Variants in BATF observed in about 807,000 individuals in gnomAD.
BATF encodes the protein basic leucine zipper ATF-like transcription factor, also known as basic leucine zipper transcriptional factor ATF-like.
BATF carries 5 observed loss-of-function variants against 13.7 expected under a neutral mutation model. That is an observed-to-expected ratio of 0.36 (90% confidence interval 0.19 to 0.77). The LOEUF (loss-of-function observed/expected upper bound fraction) is 0.77. Ranked by LOEUF, BATF falls within the 30% of genes least tolerant of loss-of-function variation. The pLI is 0.51. For missense variants in BATF, 124 were observed against 163.0 expected (o/e 0.76, Z 1.30); for synonymous variants, 72 against 67.5 (o/e 1.07, Z -0.33).
In BATF at chr14:75,533,104, C is replaced by T. The variant is rs578001667; in HGVS notation, c.168+7916C>T. 3.9e-5 allele frequency among the ~76,000 whole-genome samples: 6 copies of T among 152,184 alleles called. No homozygotes were observed. In the South Asian group the frequency reaches 8.3e-4, roughly 21 times the overall value. On this transcript the variant is annotated intron_variant, in intron 2 of 2. Coordinates refer to ENST00000286639, the MANE Select transcript of BATF (RefSeq NM_006399.5). Reference sequence around the variant, plus strand: ...ACTGCTTGTCTTACCGATGACGGGTCGGCATGGCTAAGTTTGGGAGGCATA... The same window carrying T: ...ACTGCTTGTCTTACCGATGACGGGTTGGCATGGCTAAGTTTGGGAGGCATA...
At chr14:75,524,173 A>T (rs1473669019) in intron 1 of BATF, among the ~76,000 whole-genome samples, 2 of 152,176 alleles carry the variant, frequency 1.3e-5, no homozygotes, top group Non-Finnish European at 2.9e-5. Flanking sequence ...CATCTGGGAG[A>T]GAACTGGAGC....
rs1812111401 is a variant in BATF, at chr14:75,539,046, A to C, written c.169-7416A>C. ...AAGCATCAGTATCAGCCAAGATTGC[A>C]TGCATTCAGAGACAAGTGAGAGACC... On this transcript the variant is annotated intron_variant, in intron 2 of 2. Transcript: ENST00000286639. Among the ~76,000 whole-genome samples the C allele has an allele frequency of 2.0e-5, 3 of 152,256 alleles. 1 individual carries two copies. In the South Asian group the frequency reaches 6.2e-4, roughly 31 times the overall value.
chr14:75,543,310 T>G (rs1389945910), intron 2 of BATF, among the ~76,000 whole-genome samples: 1 of 152,200 alleles, frequency 6.6e-6, no homozygotes, highest in African/African-American at 2.4e-5. Flanking sequence ...GGGCTTCCTT[T>G]GTACTGACCT....
intron 2 of BATF, among the ~76,000 whole-genome samples, chr14:75,542,141 G>A (rs910724251): frequency 1.5e-4 from 23 of 152,240 alleles, no homozygotes; most frequent in Non-Finnish European, 1.5e-5. Context: ...GAGAAAACAA[G>A]TGCCTTGAGG....
chr14:75,530,061 C>A (rs1258022464), intron 2 of BATF, among the ~76,000 whole-genome samples: 490 of 109,686 alleles, frequency 4.5e-3, no homozygotes, highest in East Asian at 7.6e-3. Context: ...GAGACTCCGT[C>A]AAAAAAAAAA....
Position 75,522,761 on chromosome 14 carries a change from T to A in BATF, c.63+16T>A. ...TGGCAAACAGGTAGAGTCCTCCTTT[T>A]TCTCTCTCCTACCTTCTGATTCTCC... On this transcript the variant is annotated intron_variant, in intron 1 of 2. Transcript: ENST00000286639. 6.2e-7 allele frequency: 1 copy of A among 1,613,962 alleles called. No homozygotes were observed. The highest frequency in any genetic ancestry group is 8.5e-7 in the Non-Finnish European group (1 of 1,179,832).
chr14:75,539,630 G>C (rs1225103057), intron 2 of BATF, among the ~76,000 whole-genome samples: 1 of 151,898 alleles, frequency 6.6e-6, no homozygotes. Flanking sequence ...CTGAGGGCAC[G>C]GCTGATGTGG....
intron 2 of BATF, among the ~76,000 whole-genome samples, chr14:75,536,946 C>CT (rs1382840987): frequency 1.3e-5 from 2 of 151,128 alleles, no homozygotes; most frequent in Non-Finnish European, 2.9e-5. Context: ...GCAATATTGT[C>CT]ATTTTTTTTT....
chr14:75,536,154 T>C (rs1184375927), intron 2 of BATF, among the ~76,000 whole-genome samples: 1 of 152,132 alleles, frequency 6.6e-6, no homozygotes, highest in Non-Finnish European at 1.5e-5. Context: ...ACTAATCACA[T>C]GACATGTAAA....
At chr14:75,530,808 C>G (rs1193505484) in intron 2 of BATF, among the ~76,000 whole-genome samples, 1 of 152,034 alleles carries the variant, frequency 6.6e-6, no homozygotes, top group Non-Finnish European at 1.5e-5. Flanking sequence ...GCAACAGCAC[C>G]CAGCCCCTTC....
chr14:75,522,573 A>G lies in BATF; in HGVS notation c.-110A>G. 8.0e-7 allele frequency: 1 copy of G among 1,252,756 alleles called. No homozygotes were observed. 77.6% of individuals were successfully genotyped at this position (1,252,756 alleles called of 1,614,324 possible). A position where few individuals can be genotyped will look rare whatever the true frequency, so the allele number is the denominator to read the frequency against. On this transcript the variant is annotated 5_prime_UTR_variant, in exon 1 of 3. Transcript: ENST00000286639. ...CAGGGCAGGCAGAGGAGGCACCTGTAGGGGGTGGTGGGCTGGTGGCCCAGG... is the reference window on the plus strand; with the variant it reads ...CAGGGCAGGCAGAGGAGGCACCTGTGGGGGGTGGTGGGCTGGTGGCCCAGG...
intron 2 of BATF, among the ~76,000 whole-genome samples, chr14:75,538,900 C>CA (rs1887856762): frequency 6.6e-6 from 1 of 152,090 alleles, no homozygotes; most frequent in Non-Finnish European, 1.5e-5. Context: ...GACACGGTCT[C>CA]AAAAAACAAA....
chr14:75,536,722 T>TTAAAATAAAGTAAAA (rs1887824334), intron 2 of BATF, among the ~76,000 whole-genome samples: 1 of 125,766 alleles, frequency 8.0e-6, no homozygotes, highest in Admixed American at 8.4e-5. Context: ...GATCCTGTCT[T>TTAAAATAAAGTAAAA]TAAAATAAAA....
intron 2 of BATF, among the ~76,000 whole-genome samples, chr14:75,540,354 C>G (rs967917652): frequency 6.6e-6 from 1 of 152,158 alleles, no homozygotes; most frequent in African/African-American, 2.4e-5. Flanking sequence ...CCCACGCCCC[C>G]AGGAAGCCTC....
intron 2 of BATF, among the ~76,000 whole-genome samples, chr14:75,532,232 A>C (rs940700924): frequency 6.6e-6 from 1 of 152,194 alleles, no homozygotes; most frequent in Non-Finnish European, 1.5e-5. Context: ...ACTCTGATGA[A>C]GATGTATTCA....
chr14:75,544,037 T>C (rs1268691568), intron 2 of BATF, among the ~76,000 whole-genome samples: 1 of 152,154 alleles, frequency 6.6e-6, no homozygotes, highest in East Asian at 1.9e-4. Context: ...CATAAGTCTG[T>C]CAGTCAACAA....
At chr14:75,544,776 T>G (rs1258408406) in intron 2 of BATF, among the ~76,000 whole-genome samples, 7 of 141,026 alleles carry the variant, frequency 5.0e-5, no homozygotes, top group African/African-American at 1.8e-4. Context: ...AATATCAGGT[T>G]GCCTTTTGAA....
At chr14:75,525,264 AGC>A (rs958331545) in intron 2 of BATF, 76 bp downstream of exon 2, 58 of 1,445,748 alleles carry the variant, frequency 4.0e-5, no homozygotes, top group Non-Finnish European at 4.9e-5. Context: ...CTTGGACCAT[AGC>A]TTTGATTCTG....
intron 2 of BATF, among the ~76,000 whole-genome samples, chr14:75,526,490 G>T (rs892274148): frequency 2.0e-5 from 3 of 152,214 alleles, no homozygotes; most frequent in Non-Finnish European, 2.9e-5. Context: ...ACCGTATCAA[G>T]AATAAGTAAG....
Sources: gnomAD v4.1 joint callset for allele counts (sites outside exome capture counted in the v4.1 genomes callset) on GRCh38, gnomAD v4.1.1 for gene constraint, MANE v1.5 for transcripts, NCBI Gene and HGNC (gene_info 2026-07-23, HGNC 2026-07-21) for gene names.